DNMT3A: variants seen among roughly 807,000 people sequenced by gnomAD.
DNMT3A encodes the protein DNA methyltransferase 3 alpha.
Under a neutral mutation model 117.6 loss-of-function variants are expected in DNMT3A, and 267 were observed. The ratio of observed to expected loss-of-function variants is 2.27; its 90% CI spans 2.05 to 2.51. The LOEUF (loss-of-function observed/expected upper bound fraction) is 2.51, where lower values mean the gene tolerates loss of function less well. Among genes scored for constraint, DNMT3A ranks in the 30% most tolerant of loss-of-function variants. DNMT3A has a pLI of 0.00. For synonymous variants in DNMT3A, 432 were observed against 474.8 expected (o/e 0.91, Z 1.17); for missense variants, 1,029 against 1,260.2 (o/e 0.82, Z 2.78).
intron 6 of DNMT3A, among the ~76,000 whole-genome samples, chr2:25,262,419 A>G (rs1313259785): frequency 6.6e-6 from 1 of 152,164 alleles, no homozygotes. Flanking sequence ...CAGAATACAT[A>G]AGAAAATGAA....
intron 1 of DNMT3A, chr2:25,328,526 T>A (rs1456468818): frequency 1.2e-5 from 5 of 423,914 alleles, no homozygotes; most frequent in Non-Finnish European, 2.0e-5. Flanking sequence ...TATATAGATG[T>A]GTCTGATTTC....
intron 16 of DNMT3A, 114 bp downstream of exon 16, chr2:25,243,784 T>C: frequency 8.7e-7 from 1 of 1,154,916 alleles, no homozygotes; most frequent in South Asian, 1.3e-5. Flanking sequence ...TTTGGGATAA[T>C]ATTTTAACAG....
rs1674366856 is a variant in DNMT3A at position 25,243,842 on chromosome 2, T to C, written c.1936+56A>G. Reference sequence around the variant, plus strand: ...GTTTTGCCAGAGTTGCCCACACACCTGGCTCCCCCATCCTGGGACAAGGCG... The same window carrying C: ...GTTTTGCCAGAGTTGCCCACACACCCGGCTCCCCCATCCTGGGACAAGGCG... On this transcript the variant is annotated intron_variant, in intron 16 of 22. Transcript: ENST00000321117. The C allele has an allele frequency of 1.9e-6, 3 of 1,540,952 alleles. 1 individual carries two copies. The highest frequency in any genetic ancestry group is 2.6e-6 in the Non-Finnish European group (3 of 1,137,328).
rs565030490 is a variant in DNMT3A at position 25,246,972 on chromosome 2, C to T, written c.1122+79G>A. The T allele has an allele frequency of 3.1e-5, 47 of 1,540,340 alleles. No homozygotes were observed. The Admixed American group carries it at 8.7e-4, about 28-fold the overall frequency. On this transcript the variant is annotated intron_variant, in intron 9 of 22. Coordinates refer to ENST00000321117, the MANE Select transcript of DNMT3A (RefSeq NM_022552.5). ...CTGCCTCCTGGGCCTCCGTTCTGCT[C>T]AAGCCCGACCTGCACTCCAACTTCC...
In DNMT3A at chr2:25,337,374, A is replaced by G. The variant is rs1167783963; in HGVS notation, c.-178+4452T>C. 6.6e-6 allele frequency among the ~76,000 whole-genome samples: 1 copy of G among 152,194 alleles called. No individual in the cohort carries two copies. Among genetic ancestry groups the G allele is most frequent in the Non-Finnish European group, 1.5e-5 (1 of 68,034 alleles). Reference sequence around the variant, plus strand: ...AGCCACCCAAATGATGAAAACAGACACAGCTAACAGGAGGGCTCCCGCTCC... The same window carrying G: ...AGCCACCCAAATGATGAAAACAGACGCAGCTAACAGGAGGGCTCCCGCTCC... On this transcript the variant is annotated intron_variant, in intron 1 of 22. Coordinates refer to ENST00000321117, the MANE Select transcript of DNMT3A (RefSeq NM_022552.5). The surrounding 1 kb of genome is among the most constrained non-coding windows in gnomAD (Gnocchi z 5.0).
At chr2:25,250,823 C>T (rs868578734) in intron 6 of DNMT3A, among the ~76,000 whole-genome samples, 1 of 152,154 alleles carries the variant, frequency 6.6e-6, no homozygotes, top group South Asian at 2.1e-4. Context: ...TAGCAGTGGG[C>T]GGGAAGGGGA....
In DNMT3A at chr2:25,298,032, G is replaced by A. The variant is rs909567519; in HGVS notation, c.177+2107C>T. Among the ~76,000 whole-genome samples, 3 of 152,262 alleles carry A rather than the reference G, an allele frequency of 2.0e-5. No individual in the cohort carries two copies. Among genetic ancestry groups the A allele is most frequent in the African/African-American group, 7.2e-5 (3 of 41,474 alleles). On this transcript the variant is annotated intron_variant, in intron 3 of 22. Coordinates refer to ENST00000321117, the MANE Select transcript of DNMT3A (RefSeq NM_022552.5). This position sits in a 1 kb window ranked among gnomAD's most constrained non-coding sequence, Gnocchi z 4.3. ...AGAGGAAAGGTTTGGCCAGGCGGGGGCAGGCCCGACCTTTGCTGAGGCTCC... is the reference window on the plus strand; with the variant it reads ...AGAGGAAAGGTTTGGCCAGGCGGGGACAGGCCCGACCTTTGCTGAGGCTCC...
intron 6 of DNMT3A, among the ~76,000 whole-genome samples, chr2:25,270,251 T>C (rs1384421221): frequency 1.2e-4 from 18 of 152,284 alleles, no homozygotes; most frequent in Admixed American, 1.1e-3. Context: ...TAAATTCCAG[T>C]TCAACCGTCA....
At chr2:25,326,418 G>A (rs1192969265) in intron 1 of DNMT3A, among the ~76,000 whole-genome samples, 1 of 152,170 alleles carries the variant, frequency 6.6e-6, no homozygotes, top group Non-Finnish European at 1.5e-5. Flanking sequence ...TGGGAGTTCA[G>A]ATGTTGTAGA....
intron 17 of DNMT3A, 90 bp from the exon 18 acceptor site, chr2:25,240,820 A>C: frequency 7.5e-7 from 1 of 1,337,464 alleles, no homozygotes; most frequent in Non-Finnish European, 1.1e-6. Flanking sequence ...CTTGGCAAAG[A>C]AGTCCTTTGA....
rs971671289 is a variant in DNMT3A at position 25,337,985 on chromosome 2, G to A, written c.-178+3841C>T. Among the ~76,000 whole-genome samples the A allele has an allele frequency of 1.3e-5, 2 of 152,194 alleles. No individual in the cohort carries two copies. Among genetic ancestry groups the A allele is most frequent in the Non-Finnish European group, 1.5e-5 (1 of 68,052 alleles). On this transcript the variant is annotated intron_variant, in intron 1 of 22. Coordinates refer to ENST00000321117, the MANE Select transcript of DNMT3A (RefSeq NM_022552.5). This position sits in a 1 kb window ranked among gnomAD's most constrained non-coding sequence, Gnocchi z 5.0. ...AAGTAGAAGCTATTCCCCGAGGGCC[G>A]CAGCATGGGGAATGGCATTGGGGTA... is the stretch of plus-strand genomic sequence containing the variant.
chr2:25,265,930 C>T (rs1238014779), intron 6 of DNMT3A, among the ~76,000 whole-genome samples: 1 of 152,232 alleles, frequency 6.6e-6, no homozygotes, highest in East Asian at 1.9e-4. Flanking sequence ...AAGTTCAACA[C>T]CCTTTCCCTG....
Position 25,244,284 on chromosome 2 carries a change from T to C in DNMT3A, c.1722A>G (p.Ala574=). ...AGTTCCAGGGGTCTTCCTTAATGGC[T>C]GCCTGGGCAGCCCCCGGCCCCACCA... is the stretch of plus-strand genomic sequence containing the variant. ...DLLVGPGAAQ[A]AIKEDPWNCY... Residue 574 remains alanine, a synonymous_variant, in exon 15 of 23, where the codon GCA becomes GCG. Transcript: ENST00000321117. 1 of 1,612,990 alleles carries C rather than the reference T, an allele frequency of 6.2e-7. No homozygotes were observed. The highest frequency in any genetic ancestry group is 2.2e-5 in the East Asian group (1 of 44,860).
Position 25,281,416 on chromosome 2 carries a change from T to C in DNMT3A, c.448+1025A>G. On this transcript the variant is annotated intron_variant, in intron 4 of 22. Coordinates refer to ENST00000321117, the MANE Select transcript of DNMT3A (RefSeq NM_022552.5). The surrounding 1 kb of genome is among the most constrained non-coding windows in gnomAD (Gnocchi z 4.8). The stretch of plus-strand genomic sequence containing the variant: ...CTGCACATAGTGGGAGCATCATACA[T>C]ATTTGTCGAATAATAAATGAATAAA... The C allele has an allele frequency of 9.7e-7, 1 of 1,026,332 alleles. No individual in the cohort carries two copies. Among genetic ancestry groups the C allele is most frequent in the Non-Finnish European group, 1.2e-6 (1 of 853,636 alleles). 63.6% of individuals were successfully genotyped at this position (1,026,332 alleles called of 1,614,324 possible).
In DNMT3A at chr2:25,234,161, T is replaced by G; in HGVS notation, c.*118A>C. ...GTGGTTTTTGTTTTAAATTCCTTTT[T>G]CTCTTCTGGGTGCTGATACTTCTCT... On this transcript the variant is annotated 3_prime_UTR_variant, in exon 23 of 23. Transcript: ENST00000321117. This position sits in a 1 kb window ranked among gnomAD's most constrained non-coding sequence, Gnocchi z 4.5. The G allele has an allele frequency of 7.0e-7, 1 of 1,432,360 alleles. No individual in the cohort carries two copies. Among genetic ancestry groups the G allele is most frequent in the Non-Finnish European group, 9.2e-7 (1 of 1,083,994 alleles). 88.7% of individuals were successfully genotyped at this position (1,432,360 alleles called of 1,614,324 possible). A position where few individuals can be genotyped will look rare whatever the true frequency, so the allele number is the denominator to read the frequency against.
In DNMT3A at chr2:25,244,192, A is replaced by AGCCGG; in HGVS notation, c.1809_1813dup (p.Leu605ProfsTer48). On this transcript the variant is annotated frameshift_variant, in exon 15 of 23. Transcript: ENST00000321117. LOFTEE classifies it high-confidence loss of function. ...GTGGTTATTAGCGAAGAACATCTGG[A>AGCCGG]GCCGGGAGGGCCAGTCCTCTCGCCG... The AGCCGG allele has an allele frequency of 6.2e-7, 1 of 1,613,914 alleles. No homozygotes were observed.
At chr2:25,285,163 C>G (rs1013280583) in intron 3 of DNMT3A, among the ~76,000 whole-genome samples, 1 of 152,190 alleles carries the variant, frequency 6.6e-6, no homozygotes, top group Non-Finnish European at 1.5e-5. Context: ...GAGATACTGC[C>G]AAATTCCCTC....
intron 6 of DNMT3A, among the ~76,000 whole-genome samples, chr2:25,272,279 G>A (rs1408154667): frequency 1.3e-5 from 2 of 152,080 alleles, no homozygotes; most frequent in Non-Finnish European, 2.9e-5. Context: ...GAGCCACTGC[G>A]TCCAGCCCAA....
At chr2:25,261,994 G>A (rs532777842) in intron 6 of DNMT3A, among the ~76,000 whole-genome samples, 2 of 152,086 alleles carry the variant, frequency 1.3e-5, no homozygotes, top group South Asian at 2.1e-4. Flanking sequence ...AGACCATCCT[G>A]GCCAACATGG....
Sources: gnomAD v4.1 joint callset for allele counts (sites outside exome capture counted in the v4.1 genomes callset) on GRCh38, gnomAD v4.1.1 for gene constraint, Gnocchi (gnomAD v3.1) non-coding constraint, MANE v1.5 for transcripts, NCBI Gene and HGNC (gene_info 2026-07-23, HGNC 2026-07-21) for gene names.